Variants in IGFL2 observed in about 807,000 individuals in gnomAD.
IGFL2 encodes insulin growth factor-like family member 2.
Under a neutral mutation model 13.9 loss-of-function variants are expected in IGFL2, and 7 were observed. The observed-to-expected ratio is 0.51, with a 90% CI of 0.29 to 0.95. IGFL2 has a LOEUF of 0.95. Among genes scored for constraint, IGFL2 ranks in the 40% least tolerant of loss-of-function variants. The probability of loss-of-function intolerance (pLI) is 0.08; values close to 1 mark genes in which losing one functional copy is unlikely to be tolerated. For missense variants in IGFL2, 138 were observed against 147.8 expected (o/e 0.93, Z 0.34); for synonymous variants, 55 against 55.8 (o/e 0.99, Z 0.07).
At chr19:46,132,443 G>T in the IGFL2 span, among the ~76,000 whole-genome samples, 3 of 152,142 alleles carry the variant, frequency 2.0e-5, no homozygotes, top group Admixed American at 1.3e-4. Context: ...TTGGTTCCAC[G>T]TGCTGTCAGT....
chr19:46,171,835 G>A, the IGFL2 span, among the ~76,000 whole-genome samples: 1 of 152,188 alleles, frequency 6.6e-6, no homozygotes, highest in East Asian at 1.9e-4. Context: ...CAGGAAAAGT[G>A]AGAATTTTTT....
chr19:46,175,216 C>A, the IGFL2 span, among the ~76,000 whole-genome samples: 1 of 152,106 alleles, frequency 6.6e-6, no homozygotes, highest in African/African-American at 2.4e-5. Context: ...ATATGTATTA[C>A]CTTATTTTAT....
the IGFL2 span, chr19:46,202,748 A>G: frequency 6.6e-6 from 1 of 152,218 alleles, no homozygotes; most frequent in South Asian, 2.1e-4. Flanking sequence ...CCAGAAACGG[A>G]AAGGAACCAA....
chr19:46,142,020 A>G (rs1328131456), upstream of IGFL2, among the ~76,000 whole-genome samples: 3 of 152,170 alleles, frequency 2.0e-5, no homozygotes, highest in East Asian at 5.8e-4. Flanking sequence ...TGAAGTTTCC[A>G]ATAATACTCT....
At chr19:46,115,927 C>T in the IGFL2 span, among the ~76,000 whole-genome samples, 113 of 152,186 alleles carry the variant, frequency 7.4e-4, no homozygotes, top group African/African-American at 2.3e-3. Flanking sequence ...CCAGGAGGCT[C>T]GCCGGCTGAC....
At chr19:46,087,705 T>C in the IGFL2 span, among the ~76,000 whole-genome samples, 1,259 of 152,354 alleles carry the variant, frequency 8.3e-3, 15 homozygotes, top group African/African-American at 0.029. Context: ...CAGCAGGCAG[T>C]GGAATTTGTC....
the IGFL2 span, among the ~76,000 whole-genome samples, chr19:46,107,448 TAGG>T: frequency 6.6e-6 from 1 of 152,142 alleles, no homozygotes; most frequent in Non-Finnish European, 1.5e-5. Context: ...GGACATGGCT[TAGG>T]AGGAATCCCA....
At position 46,160,712 on chromosome 19, in the gene IGFL2, G is replaced by A. The variant is rs367624938; in HGVS notation, c.172G>A (p.Val58Met). Residue 58 changes from valine to methionine, a missense_variant, in exon 3 of 4, where the codon GTG (valine) becomes ATG (methionine). By Grantham distance (21) the Val-to-Met change is conservative. Transcript: ENST00000377693. Reference sequence around the variant, plus strand: ...GCAGTGCTGTTACAATGACGCCATCGTGTCCCTGAGCGAGACCCGCCAATG... The same window carrying A: ...GCAGTGCTGTTACAATGACGCCATCATGTCCCTGAGCGAGACCCGCCAATG... Reference protein sequence around the residue: ...LEQCCYNDAIVSLSETRQCGP... With the variant: ...LEQCCYNDAIMSLSETRQCGP... The A allele has an allele frequency of 2.0e-5, 32 of 1,614,100 alleles. No homozygotes were observed. Among genetic ancestry groups the A allele is most frequent in the Middle Eastern group, 1.6e-4 (1 of 6,062 alleles).
At chr19:46,206,018 A>T in the IGFL2 span, among the ~76,000 whole-genome samples, 1 of 152,192 alleles carries the variant, frequency 6.6e-6, no homozygotes, top group East Asian at 1.9e-4. Flanking sequence ...TCATACAGGG[A>T]GATAAACAGG....
upstream of IGFL2, among the ~76,000 whole-genome samples, chr19:46,138,273 G>A (rs375103812): frequency 2.6e-5 from 4 of 152,128 alleles, no homozygotes; most frequent in East Asian, 7.7e-4. Flanking sequence ...TTCATTTCTG[G>A]ATGATTTCAT....
chr19:46,210,103 T>A, the IGFL2 span: 1 of 152,248 alleles, frequency 6.6e-6, no homozygotes, highest in Non-Finnish European at 1.5e-5. Context: ...ACTTGTTCCC[T>A]TCTTGTTGAT....
At chr19:46,136,697 A>G in the IGFL2 span, 1 of 484,620 alleles carries the variant, frequency 2.1e-6, no homozygotes. Flanking sequence ...TCTTGCCATC[A>G]CCCCAGAAAT....
At chr19:46,170,941 G>A in the IGFL2 span, among the ~76,000 whole-genome samples, 1 of 152,138 alleles carries the variant, frequency 6.6e-6, no homozygotes, top group African/African-American at 2.4e-5. Flanking sequence ...ATCTCGCCCT[G>A]ACCTTCTGCC....
the IGFL2 span, among the ~76,000 whole-genome samples, chr19:46,187,590 T>C: frequency 3.4e-4 from 31 of 90,732 alleles, no homozygotes; most frequent in East Asian, 8.3e-4. Context: ...TGATCAGAGA[T>C]GGTGAGCATT....
chr19:46,125,250 C>A, the IGFL2 span, among the ~76,000 whole-genome samples: 253 of 152,342 alleles, frequency 1.7e-3, 1 homozygote, highest in Non-Finnish European at 2.6e-3. Flanking sequence ...TGGAGAATAG[C>A]AATGGCCCAA....
chr19:46,124,674 T>C, the IGFL2 span: 5 of 1,604,916 alleles, frequency 3.1e-6, no homozygotes, highest in Admixed American at 1.7e-5. Flanking sequence ...TCTAGGAGAA[T>C]TGAAGAAGAG....
chr19:46,191,586 C>G, the IGFL2 span, among the ~76,000 whole-genome samples: 2,139 of 152,270 alleles, frequency 0.014, 56 homozygotes, highest in African/African-American at 0.047. Context: ...CTCAATCTCA[C>G]CACCTGCAAG....
the IGFL2 span, among the ~76,000 whole-genome samples, chr19:46,176,588 A>T: frequency 6.6e-6 from 1 of 152,320 alleles, no homozygotes; most frequent in Admixed American, 6.5e-5. Context: ...GAGCCCTCAC[A>T]GAAGCCCACA....
chr19:46,115,925 C>T, the IGFL2 span, among the ~76,000 whole-genome samples: 1 of 152,262 alleles, frequency 6.6e-6, no homozygotes, highest in South Asian at 2.1e-4. Flanking sequence ...CTCCAGGAGG[C>T]TCGCCGGCTG....
Sources: gnomAD v4.1 joint callset for allele counts (sites outside exome capture counted in the v4.1 genomes callset) on GRCh38, gnomAD v4.1.1 for gene constraint, MANE v1.5 for transcripts, NCBI Gene and HGNC (gene_info 2026-07-23, HGNC 2026-07-21) for gene names.